The following CASS4 variants were observed in gnomAD, a reference collection of about 807,000 sequenced individuals.
The protein encoded by CASS4 is Cas scaffold protein family member 4.
A neutral mutation model predicts 54.2 loss-of-function variants in CASS4; 22 were observed. The ratio of observed to expected loss-of-function variants is 0.41; its 90% CI spans 0.29 to 0.58. The LOEUF (loss-of-function observed/expected upper bound fraction) is 0.58. Among genes scored for constraint, CASS4 ranks in the 20% least tolerant of loss-of-function variants. The pLI, the probability that CASS4 is intolerant of heterozygous loss-of-function variation, is 0.36. For missense variants in CASS4, 854 were observed against 986.7 expected (o/e 0.87, Z 1.80); for synonymous variants, 409 against 391.5 (o/e 1.04, Z -0.53).
intron 5 of CASS4, among the ~76,000 whole-genome samples, chr20:56,455,733 C>G (rs1233260715): frequency 2.0e-5 from 3 of 152,104 alleles, no homozygotes; most frequent in Non-Finnish European, 4.4e-5. Context: ...AGTTTGAGAC[C>G]AGCCTGACCA....
At position 56,437,427 on chromosome 20, in the gene CASS4, G is replaced by T. The variant is rs200292143; in HGVS notation, c.300G>T (p.Val100=). Residue 100 remains valine, a synonymous_variant, in exon 2 of 6, where the codon GTG becomes GTT. Coordinates refer to ENST00000679887, the MANE Select transcript of CASS4 (RefSeq NM_020356.4). The surrounding 1 kb of genome is among the most constrained non-coding windows in gnomAD (Gnocchi z 4.7). ...APASSEETYQ[V]PTLPRPPTPG... is the part of the protein sequence containing the mutation. ...CCAGCTCAGAGGAGACCTATCAGGT[G>T]CCCACTCTACCCCGCCCTCCCACTC... 1.2e-6 allele frequency: 2 copies of T among 1,614,010 alleles called. No individual in the cohort carries two copies. Among genetic ancestry groups the T allele is most frequent in the African/African-American group, 2.7e-5 (2 of 75,048 alleles).
chr20:56,437,713 A>G lies in CASS4; in HGVS notation c.459+127A>G, dbSNP rs1441227027. The G allele has an allele frequency of 6.8e-6, 6 of 881,028 alleles. No homozygotes were observed. The East Asian group carries it at 8.4e-5, about 12-fold the overall frequency. The allele number at this position is 881,028 out of a possible 1,614,324, so 54.6% of individuals were successfully genotyped here. A position where few individuals can be genotyped will look rare whatever the true frequency, so the allele number is the denominator to read the frequency against. On this transcript the variant is annotated intron_variant, in intron 2 of 5. Transcript: ENST00000679887. The surrounding 1 kb of genome is among the most constrained non-coding windows in gnomAD (Gnocchi z 4.7). ...AAAACGGGAGCCCAGATTGCTGGCAATCACGCTCGGGGAGCTTGTGTGCCA... is the reference window on the plus strand; with the variant it reads ...AAAACGGGAGCCCAGATTGCTGGCAGTCACGCTCGGGGAGCTTGTGTGCCA...
intron 1 of CASS4, among the ~76,000 whole-genome samples, chr20:56,431,815 G>T (rs980959381): frequency 6.6e-6 from 1 of 152,296 alleles, no homozygotes; most frequent in East Asian, 1.9e-4. Context: ...CATTTCAGAT[G>T]ATCGGTTTTT....
intron 2 of CASS4, among the ~76,000 whole-genome samples, chr20:56,441,200 GC>G (rs1980440416): frequency 6.6e-6 from 1 of 151,394 alleles, no homozygotes; most frequent in Admixed American, 6.6e-5. Flanking sequence ...CGCCATGTTG[GC>G]CAGGCTGGTC....
intron 2 of CASS4, among the ~76,000 whole-genome samples, chr20:56,443,101 A>AGGAG (rs765680973): frequency 0.063 from 9,505 of 151,674 alleles, 450 homozygotes; most frequent in Middle Eastern, 0.15. Context: ...TCTGGGAGGT[A>AGGAG]CCACTGGCGG....
At chr20:56,438,624 G>A (rs548340171) in intron 2 of CASS4, among the ~76,000 whole-genome samples, 5 of 152,210 alleles carry the variant, frequency 3.3e-5, no homozygotes, top group Admixed American at 1.3e-4. Flanking sequence ...TTTGGGAGGC[G>A]GAGGCGGGCA....
At chr20:56,436,684 G>T (rs1216979996) in intron 1 of CASS4, among the ~76,000 whole-genome samples, 2 of 151,964 alleles carry the variant, frequency 1.3e-5, no homozygotes, top group African/African-American at 4.8e-5. Flanking sequence ...TGACCCAGGA[G>T]TTGGAAACCA....
At chr20:56,450,037 T>TA (rs902409967) in intron 3 of CASS4, among the ~76,000 whole-genome samples, 204 of 151,994 alleles carry the variant, frequency 1.3e-3, no homozygotes, top group African/African-American at 4.8e-3. Flanking sequence ...AGGTCTTTTT[T>TA]TTTTTTTCTT....
At chr20:56,418,348 AAG>A (rs542435596) in intron 1 of CASS4, among the ~76,000 whole-genome samples, 105 of 152,288 alleles carry the variant, frequency 6.9e-4, no homozygotes, top group Middle Eastern at 3.4e-3. Flanking sequence ...AGAGTAAACC[AAG>A]AGAGAGAGGG....
chr20:56,420,808 G>A (rs1343310354), intron 1 of CASS4, among the ~76,000 whole-genome samples: 2 of 152,114 alleles, frequency 1.3e-5, no homozygotes, highest in Admixed American at 6.5e-5. Flanking sequence ...GTTCCCCAAA[G>A]TGAGGTGAAT....
intron 1 of CASS4, among the ~76,000 whole-genome samples, chr20:56,413,672 CAAAAA>C (rs35217347): frequency 1.2e-3 from 33 of 28,308 alleles, no homozygotes; most frequent in African/African-American, 4.4e-3. Flanking sequence ...GACTCTGTCT[CAAAAA>C]AAAAAAAAAA....
Position 56,442,003 on chromosome 20 carries a change from G to A in CASS4, c.460-3897G>A, listed in dbSNP as rs146946017. On this transcript the variant is annotated intron_variant, in intron 2 of 5. Transcript: ENST00000679887. The stretch of plus-strand genomic sequence containing the variant: ...AGCCATTAACCCTGAGGCTAAACCC[G>A]CCCAGAAAATACATTCCAAATGGAA... 8.1e-3 allele frequency among the ~76,000 whole-genome samples: 1,238 copies of A among 151,974 alleles called. 37 individuals carry two copies. The highest frequency in any genetic ancestry group is 0.028 in the African/African-American group (1,174 of 41,302).
intron 1 of CASS4, among the ~76,000 whole-genome samples, chr20:56,432,861 GTCATTCTTACCGAAGGTCA>G (rs1488509358): frequency 1.3e-5 from 2 of 151,266 alleles, no homozygotes; most frequent in African/African-American, 4.9e-5. Context: ...ATGGCTGGTG[GTCATTCTTACCGAAGGTCA>G]TCCAAAAGTG....
rs1447022481 is a variant in CASS4 at position 56,414,480 on chromosome 20, T to G, written c.36+1986T>G. Among the ~76,000 whole-genome samples, 1 of 152,238 alleles carries G rather than the reference T, an allele frequency of 6.6e-6. No homozygotes were observed. Among genetic ancestry groups the G allele is most frequent in the Non-Finnish European group, 1.5e-5 (1 of 68,044 alleles). On this transcript the variant is annotated intron_variant, in intron 1 of 5. Transcript: ENST00000679887. The surrounding 1 kb of genome is among the most constrained non-coding windows in gnomAD (Gnocchi z 4.1). Reference sequence around the variant, plus strand: ...ATTTTTAGCAATGGGGGTATCACTCTGTTGTCCAAGCTGGACTCAAATTCC... The same window carrying G: ...ATTTTTAGCAATGGGGGTATCACTCGGTTGTCCAAGCTGGACTCAAATTCC...
At chr20:56,443,813 T>G (rs564962599) in intron 2 of CASS4, among the ~76,000 whole-genome samples, 2 of 152,128 alleles carry the variant, frequency 1.3e-5, no homozygotes, top group African/African-American at 4.8e-5. Flanking sequence ...GGAAACCCCT[T>G]GTCTGAAGCG....
chr20:56,416,731 TA>T (rs1226712107), intron 1 of CASS4, among the ~76,000 whole-genome samples: 1 of 152,206 alleles, frequency 6.6e-6, no homozygotes, highest in Non-Finnish European at 1.5e-5. Flanking sequence ...GAATTTCTGA[TA>T]TTTGATTCTA....
intron 5 of CASS4, among the ~76,000 whole-genome samples, chr20:56,457,440 T>C (rs1367577392): frequency 6.6e-6 from 1 of 152,182 alleles, no homozygotes; most frequent in Non-Finnish European, 1.5e-5. Flanking sequence ...ATGTAGGATT[T>C]GGGAGAAGTT....
Position 56,426,328 on chromosome 20 carries a change from A to T in CASS4, c.37-10836A>T, listed in dbSNP as rs527986867. Among the ~76,000 whole-genome samples, 9 of 152,304 alleles carry T rather than the reference A, an allele frequency of 5.9e-5. No individual in the cohort carries two copies. In the South Asian group the frequency reaches 1.2e-3, roughly 21 times the overall value. On this transcript the variant is annotated intron_variant, in intron 1 of 5. Transcript: ENST00000679887. The stretch of plus-strand genomic sequence containing the variant: ...AGGTTTTTGAATATCAAATGCGGTC[A>T]TCAGTGCTGACTGCTTATCCCAGTG...
chr20:56,443,617 T>C (rs553233910), intron 2 of CASS4, among the ~76,000 whole-genome samples: 51 of 151,976 alleles, frequency 3.4e-4, no homozygotes, highest in African/African-American at 1.2e-3. Flanking sequence ...AGAGGAACCA[T>C]GAGGCAGCTC....
Sources: gnomAD v4.1 joint callset for allele counts (sites outside exome capture counted in the v4.1 genomes callset) on GRCh38, gnomAD v4.1.1 for gene constraint, Gnocchi (gnomAD v3.1) non-coding constraint, MANE v1.5 for transcripts, NCBI Gene and HGNC (gene_info 2026-07-23, HGNC 2026-07-21) for gene names.